Variants in MNAT1 observed in about 807,000 individuals in gnomAD.
MNAT1 encodes MNAT1 component of CDK activating kinase.
Under a neutral mutation model 42.0 loss-of-function variants are expected in MNAT1, and 43 were observed. The observed-to-expected ratio is 1.02, with a 90% CI of 0.80 to 1.32. MNAT1 has a LOEUF of 1.32. MNAT1 is among the 40% of genes most tolerant of loss of function. MNAT1 has a pLI of 0.00. For missense variants in MNAT1, 306 were observed against 350.4 expected, an observed-to-expected ratio of 0.87 and a Z score of 1.01; for synonymous variants, 118 against 120.0, an observed-to-expected ratio of 0.98 and a Z score of 0.11.
At chr14:60,929,463 T>G (rs2035840885) in intron 7 of MNAT1, among the ~76,000 whole-genome samples, 1 of 152,020 alleles carries the variant, frequency 6.6e-6, no homozygotes, top group South Asian at 2.1e-4. Flanking sequence ...AATTTTTGTA[T>G]GTGGTGTGGG....
rs1018753747 is a variant in MNAT1 at position 60,735,026 on chromosome 14, C to G, written c.89+75C>G. The G allele has an allele frequency of 5.7e-6, 8 of 1,414,744 alleles. No individual in the cohort carries two copies. In the Admixed American group the frequency reaches 8.5e-5, roughly 15 times the overall value. 87.6% of individuals were successfully genotyped at this position (1,414,744 alleles called of 1,614,324 possible). On this transcript the variant is annotated intron_variant, in intron 1 of 7. Coordinates refer to ENST00000261245, the MANE Select transcript of MNAT1 (RefSeq NM_002431.4). ...AGGAGAGGACCGGGAGATGCTAGGC[C>G]TCGTCTTGGGAGCAAAGGGCGTTGT...
intron 7 of MNAT1, among the ~76,000 whole-genome samples, chr14:60,902,364 C>T (rs908690284): frequency 5.9e-5 from 9 of 152,222 alleles, no homozygotes; most frequent in Admixed American, 2.6e-4. Context: ...ATGGATACAA[C>T]GGGGTAGAAT....
At chr14:60,858,961 G>A (rs1335545289) in intron 6 of MNAT1, among the ~76,000 whole-genome samples, 3 of 152,072 alleles carry the variant, frequency 2.0e-5, no homozygotes, top group Admixed American at 1.3e-4. Flanking sequence ...TTATGGCAAG[G>A]GTCTACAACC....
At chr14:60,911,872 T>G (rs1432914604) in intron 7 of MNAT1, among the ~76,000 whole-genome samples, 3 of 152,156 alleles carry the variant, frequency 2.0e-5, no homozygotes, top group South Asian at 2.1e-4. Flanking sequence ...TTCCTGGATA[T>G]CCTTGTTAAC....
At chr14:60,778,275 G>C (rs946043281) in intron 1 of MNAT1, among the ~76,000 whole-genome samples, 4 of 152,204 alleles carry the variant, frequency 2.6e-5, no homozygotes, top group East Asian at 1.9e-4. Context: ...ATAGAGTTCT[G>C]GCCCAGATTT....
intron 7 of MNAT1, among the ~76,000 whole-genome samples, chr14:60,904,896 T>A (rs2139512469): frequency 6.6e-6 from 1 of 151,810 alleles, no homozygotes; most frequent in East Asian, 1.9e-4. Flanking sequence ...GGATCTTATT[T>A]AAAATTGTCT....
intron 1 of MNAT1, among the ~76,000 whole-genome samples, chr14:60,752,568 G>A (rs1045475673): frequency 6.6e-6 from 1 of 151,536 alleles, no homozygotes; most frequent in African/African-American, 2.4e-5. Flanking sequence ...TGGAGGCTGG[G>A]GTAGGAGGAT....
chr14:60,833,557 A>G (rs2033285949), intron 6 of MNAT1, among the ~76,000 whole-genome samples: 2 of 152,020 alleles, frequency 1.3e-5, no homozygotes, highest in African/African-American at 4.8e-5. Flanking sequence ...AAGCTTTTGG[A>G]TGTGCTGGTG....
At chr14:60,779,605 G>C (rs1348674622) in intron 1 of MNAT1, among the ~76,000 whole-genome samples, 1 of 152,064 alleles carries the variant, frequency 6.6e-6, no homozygotes, top group Non-Finnish European at 1.5e-5. Flanking sequence ...GACCAACATG[G>C]TGAGACCCCG....
At position 60,746,269 on chromosome 14, in the gene MNAT1, G is replaced by A. The variant is rs909894734; in HGVS notation, c.89+11318G>A. On this transcript the variant is annotated intron_variant, in intron 1 of 7. Coordinates refer to ENST00000261245, the MANE Select transcript of MNAT1 (RefSeq NM_002431.4). The stretch of plus-strand genomic sequence containing the variant: ...GGTAGCTCACACCTGTAATCCCAGC[G>A]CTTTGGGAGGCCGAGGCGGGTAGAT... Among the ~76,000 whole-genome samples, 16 of 151,928 alleles carry A rather than the reference G, an allele frequency of 1.1e-4. 1 individual carries two copies. Among genetic ancestry groups the A allele is most frequent in the Admixed American group, 2.0e-4 (3 of 15,246 alleles).
intron 1 of MNAT1, among the ~76,000 whole-genome samples, chr14:60,767,112 A>G (rs546727276): frequency 1.3e-4 from 20 of 152,210 alleles, no homozygotes; most frequent in Admixed American, 5.9e-4. Context: ...CAGCTCAGGG[A>G]AATGGTTTCC....
chr14:60,790,009 G>T (rs1472646033), intron 1 of MNAT1, among the ~76,000 whole-genome samples: 1 of 151,926 alleles, frequency 6.6e-6, no homozygotes, highest in Non-Finnish European at 1.5e-5. Context: ...TGGTGTATCT[G>T]ACACAGACAG....
chr14:60,792,150 A>C (rs1028038878), intron 1 of MNAT1, among the ~76,000 whole-genome samples: 2 of 152,096 alleles, frequency 1.3e-5, no homozygotes, highest in African/African-American at 4.8e-5. Context: ...TATTTTTTTC[A>C]TGTGTTTTCC....
chr14:60,942,517 G>A (rs1429706957), intron 7 of MNAT1, among the ~76,000 whole-genome samples: 2 of 149,446 alleles, frequency 1.3e-5, no homozygotes, highest in Non-Finnish European at 3.0e-5. Flanking sequence ...GTAATCTCGC[G>A]GTACTGACAT....
intron 1 of MNAT1, chr14:60,753,420 CAT>C (rs958153465): frequency 1.3e-5 from 2 of 152,198 alleles, no homozygotes; most frequent in African/African-American, 2.4e-5. Flanking sequence ...TAAGCTCACT[CAT>C]GTGGTTTTTG....
rs2033646945 is a variant in MNAT1 at position 60,844,960 on chromosome 14, A to G, written c.687+26113A>G. Among the ~76,000 whole-genome samples the G allele has an allele frequency of 2.6e-5, 4 of 152,124 alleles. No homozygotes were observed. The South Asian group carries it at 8.3e-4, about 32-fold the overall frequency. On this transcript the variant is annotated intron_variant, in intron 6 of 7. Coordinates refer to ENST00000261245, the MANE Select transcript of MNAT1 (RefSeq NM_002431.4). The stretch of plus-strand genomic sequence containing the variant: ...TATTAACTTTGCATTCTTGTGATAA[A>G]TTCTACATGGTTATGATATATGTGA...
At chr14:60,887,969 CAA>C (rs2034720712) in intron 7 of MNAT1, among the ~76,000 whole-genome samples, 1 of 149,632 alleles carries the variant, frequency 6.7e-6, no homozygotes, top group Non-Finnish European at 1.5e-5. Flanking sequence ...GCTTACCAAC[CAA>C]AAAGAGTCCA....
intron 6 of MNAT1, among the ~76,000 whole-genome samples, chr14:60,827,757 T>C (rs1404050269): frequency 6.6e-6 from 1 of 152,202 alleles, no homozygotes; most frequent in Non-Finnish European, 1.5e-5. Context: ...TAAAGGTATT[T>C]TGAAATGTAA....
Position 60,911,794 on chromosome 14 carries a change from T to G in MNAT1, c.809+31959T>G, listed in dbSNP as rs1157997520. Among the ~76,000 whole-genome samples, 9 of 152,286 alleles carry G rather than the reference T, an allele frequency of 5.9e-5. No homozygotes were observed. The South Asian group carries it at 8.3e-4, about 14-fold the overall frequency. On this transcript the variant is annotated intron_variant, in intron 7 of 7. Coordinates refer to ENST00000261245, the MANE Select transcript of MNAT1 (RefSeq NM_002431.4). ...GTGTGGTGCTGAAAAGAATGTATAT[T>G]CTGGTGATTTGGGGTGGAGAGTTCT...
Sources: gnomAD v4.1 joint callset for allele counts (sites outside exome capture counted in the v4.1 genomes callset) on GRCh38, gnomAD v4.1.1 for gene constraint, MANE v1.5 for transcripts, NCBI Gene and HGNC (gene_info 2026-07-23, HGNC 2026-07-21) for gene names.